Variants in ASIC2 observed in about 807,000 individuals in gnomAD.
ASIC2 encodes acid-sensing ion channel 2.
Under a neutral mutation model 57.3 loss-of-function variants are expected in ASIC2, and 25 were observed. The ratio of observed to expected loss-of-function variants is 0.44; its 90% CI spans 0.32 to 0.61. The LOEUF (loss-of-function observed/expected upper bound fraction) is 0.61. Ranked by LOEUF, ASIC2 falls within the 20% of genes least tolerant of loss-of-function variation. ASIC2 has a pLI of 0.06. For synonymous variants in ASIC2, 319 were observed against 307.5 expected (o/e 1.04, Z -0.39); for missense variants, 641 against 738.1 (o/e 0.87, Z 1.52).
intron 1 of ASIC2, among the ~76,000 whole-genome samples, chr17:33,860,339 T>A (rs1914072454): frequency 6.6e-6 from 1 of 152,206 alleles, no homozygotes; most frequent in African/African-American, 2.4e-5. Flanking sequence ...TACCTTCCTT[T>A]CTGGGTCTGA....
At chr17:33,070,454 T>C (rs1598262384) in intron 3 of ASIC2, among the ~76,000 whole-genome samples, 1 of 151,756 alleles carries the variant, frequency 6.6e-6, no homozygotes, top group Non-Finnish European at 1.5e-5. Context: ...TCTCCTGCCT[T>C]AGCCTCCCGA....
chr17:33,136,298 G>A (rs897855811), intron 1 of ASIC2, among the ~76,000 whole-genome samples: 2 of 152,208 alleles, frequency 1.3e-5, no homozygotes, highest in African/African-American at 2.4e-5. Context: ...AGATAGAGAA[G>A]GTTTCAGCTC....
intron 1 of ASIC2, among the ~76,000 whole-genome samples, chr17:34,040,147 A>T (rs1266389293): frequency 1.4e-5 from 1 of 72,014 alleles, no homozygotes; most frequent in Admixed American, 1.4e-4. Flanking sequence ...CGGCCACGGG[A>T]CCGGCCTCCT....
chr17:33,453,961 G>T (rs368007513), intron 1 of ASIC2, among the ~76,000 whole-genome samples: 1 of 152,226 alleles, frequency 6.6e-6, no homozygotes, highest in African/African-American at 2.4e-5. Flanking sequence ...TGAATCAATA[G>T]GTCATTCCTT....
chr17:34,059,625 G>T (rs1334281154), intron 1 of ASIC2, among the ~76,000 whole-genome samples: 2 of 152,288 alleles, frequency 1.3e-5, no homozygotes, highest in South Asian at 4.1e-4. Flanking sequence ...CCCTCCTCCT[G>T]CAAACAGACT....
At chr17:33,679,858 G>C (rs1907945364) in intron 1 of ASIC2, among the ~76,000 whole-genome samples, 2 of 152,202 alleles carry the variant, frequency 1.3e-5, no homozygotes, top group Non-Finnish European at 2.9e-5. Flanking sequence ...GATTCATGGA[G>C]AGAGGCCCAG....
At chr17:33,749,966 C>T (rs898928720) in intron 1 of ASIC2, among the ~76,000 whole-genome samples, 2 of 152,158 alleles carry the variant, frequency 1.3e-5, no homozygotes, top group African/African-American at 2.4e-5. Flanking sequence ...TTCTGCCAGG[C>T]GGGACCTCAG....
chr17:33,753,865 T>C (rs901202345), intron 1 of ASIC2, among the ~76,000 whole-genome samples: 3 of 152,152 alleles, frequency 2.0e-5, no homozygotes, highest in Middle Eastern at 3.2e-3. Flanking sequence ...TCAGGCCATA[T>C]TTAGGTCACT....
At chr17:33,548,228 C>A (rs1237385905) in intron 1 of ASIC2, among the ~76,000 whole-genome samples, 3 of 152,188 alleles carry the variant, frequency 2.0e-5, no homozygotes, top group African/African-American at 7.2e-5. Flanking sequence ...GAGGTGCTTT[C>A]ATTGGATTAT....
At chr17:33,019,025 C>T (rs2141894160) in intron 7 of ASIC2, among the ~76,000 whole-genome samples, 1 of 152,246 alleles carries the variant, frequency 6.6e-6, no homozygotes, top group Non-Finnish European at 1.5e-5. Context: ...GCGGTGCTGG[C>T]CTCAAACTGG....
chr17:33,912,250 T>C (rs932553758), intron 1 of ASIC2, among the ~76,000 whole-genome samples: 1 of 151,656 alleles, frequency 6.6e-6, no homozygotes, highest in Non-Finnish European at 1.5e-5. Flanking sequence ...TCCCGGCGCA[T>C]TGTAGGCTGA....
chr17:33,464,598 T>A, intron 1 of ASIC2, among the ~76,000 whole-genome samples: 1 of 144,446 alleles, frequency 6.9e-6, no homozygotes, highest in African/African-American at 2.6e-5. Flanking sequence ...TTTCTTTCTC[T>A]CTTTCTTCCT....
intron 2 of ASIC2, among the ~76,000 whole-genome samples, chr17:33,089,833 A>G (rs2092150438): frequency 1.3e-5 from 2 of 152,094 alleles, no homozygotes; most frequent in South Asian, 4.2e-4. Flanking sequence ...TTCCTTTGGC[A>G]GAAGAAATGG....
At chr17:33,312,494 C>G (rs1906471472) in intron 1 of ASIC2, among the ~76,000 whole-genome samples, 1 of 152,112 alleles carries the variant, frequency 6.6e-6, no homozygotes, top group African/African-American at 2.4e-5. Context: ...CAGAGAGGAC[C>G]CAGATGCAGA....
At chr17:34,084,742 T>C (rs1910034093) in intron 1 of ASIC2, among the ~76,000 whole-genome samples, 1 of 152,224 alleles carries the variant, frequency 6.6e-6, no homozygotes, top group South Asian at 2.1e-4. Context: ...TAGTTCTCCT[T>C]GAAGAGGTCC....
At chr17:33,998,858 G>A (rs750920361) in intron 1 of ASIC2, among the ~76,000 whole-genome samples, 8 of 152,104 alleles carry the variant, frequency 5.3e-5, no homozygotes, top group Admixed American at 1.3e-4. Context: ...CAGATGGAAT[G>A]TTCTGTATGT....
intron 1 of ASIC2, among the ~76,000 whole-genome samples, chr17:33,795,702 G>A (rs1315353068): frequency 1.3e-5 from 2 of 152,206 alleles, no homozygotes; most frequent in South Asian, 2.1e-4. Flanking sequence ...GATGATCCAT[G>A]CATTGATAGA....
chr17:33,030,218 C>T (rs1472634605), intron 3 of ASIC2, among the ~76,000 whole-genome samples: 1 of 152,102 alleles, frequency 6.6e-6, no homozygotes, highest in Admixed American at 6.5e-5. Context: ...AACAACTACC[C>T]TAATCAGATA....
At position 33,824,467 on chromosome 17, in the gene ASIC2, A is replaced by T. The variant is rs149516205; in HGVS notation, c.555+331511T>A. Among the ~76,000 whole-genome samples, 538 of 152,146 alleles carry T rather than the reference A, an allele frequency of 3.5e-3. 6 individuals are homozygous for T. Among genetic ancestry groups the T allele is most frequent in the African/African-American group, 0.012 (511 of 41,532 alleles). ...TACATATATATAATTTTTTAAAGAA[A>T]AAAGGCTGTATAGCAGTTATAAGTA... is the stretch of plus-strand genomic sequence containing the variant. On this transcript the variant is annotated intron_variant, in intron 1 of 9. Transcript: ENST00000359872.
Sources: allele counts gnomAD v4.1 joint callset (sites outside exome capture counted in the v4.1 genomes callset), GRCh38; gene constraint gnomAD v4.1.1; transcripts MANE v1.5; gene names NCBI Gene and HGNC (gene_info 2026-07-23, HGNC 2026-07-21).